Variants in CFAP299 observed in about 807,000 individuals in gnomAD.
CFAP299 encodes cilia and flagella associated protein 299.
CFAP299 carries 21 observed loss-of-function variants against 27.0 expected under a neutral mutation model. The ratio of observed to expected loss-of-function variants is 0.78; its 90% CI spans 0.55 to 1.12. The LOEUF (loss-of-function observed/expected upper bound fraction) is 1.12, where lower values mean the gene tolerates loss of function less well. Among genes scored for constraint, CFAP299 ranks in the 50% most tolerant of loss-of-function variants. The pLI, the probability that CFAP299 is intolerant of heterozygous loss-of-function variation, is 0.00. For synonymous variants in CFAP299, 104 were observed against 98.1 expected (o/e 1.06, Z -0.36); for missense variants, 310 against 276.6 (o/e 1.12, Z -0.86).
At chr4:80,386,701 C>A (rs1725026036) in intron 2 of CFAP299, 5 of 1,575,602 alleles carry the variant, frequency 3.2e-6, no homozygotes, top group Admixed American at 1.7e-5. Context: ...ACCTGCTGCA[C>A]AGGGCGCATT....
At chr4:80,390,724 C>T (rs115064508) in intron 2 of CFAP299, among the ~76,000 whole-genome samples, 12,134 of 118,438 alleles carry the variant, frequency 0.1, 1,033 homozygotes, top group African/African-American at 0.23. Flanking sequence ...TACACACATA[C>T]ATGTATATAT....
chr4:80,569,019 C>CT (rs1735449787), intron 2 of CFAP299, among the ~76,000 whole-genome samples: 1 of 152,124 alleles, frequency 6.6e-6, no homozygotes, highest in Non-Finnish European at 1.5e-5. Flanking sequence ...ACCACACTGC[C>CT]TATCAGGTAG....
intron 3 of CFAP299, among the ~76,000 whole-genome samples, chr4:80,696,484 AAG>A (rs1721101383): frequency 6.6e-6 from 1 of 152,176 alleles, no homozygotes; most frequent in African/African-American, 2.4e-5. Context: ...AAATAACAAT[AAG>A]AGACAGAAAA....
At chr4:80,871,778 T>C (rs1733110939) in intron 4 of CFAP299, 2 of 384,722 alleles carry the variant, frequency 5.2e-6, no homozygotes, top group Non-Finnish European at 7.1e-6. Flanking sequence ...AAAGAAAACA[T>C]CTTGGCATTA....
chr4:80,365,646 A>T (rs1723788574), intron 2 of CFAP299, among the ~76,000 whole-genome samples: 2 of 152,352 alleles, frequency 1.3e-5, no homozygotes, highest in South Asian at 4.1e-4. Context: ...AATGTGTCTT[A>T]TGTAAAACAT....
intron 3 of CFAP299, among the ~76,000 whole-genome samples, chr4:80,863,225 T>C (rs1732493852): frequency 1.3e-5 from 2 of 151,122 alleles, no homozygotes; most frequent in South Asian, 2.1e-4. Context: ...TTTAAGTGAC[T>C]TTGGCTTCAC....
chr4:80,823,804 G>A (rs1360967458), intron 3 of CFAP299, among the ~76,000 whole-genome samples: 1 of 152,048 alleles, frequency 6.6e-6, no homozygotes, highest in Non-Finnish European at 1.5e-5. Context: ...AAGGTTCAGG[G>A]AGGTTAAGTT....
At chr4:80,388,770 G>A in intron 2 of CFAP299, 1 of 493,084 alleles carries the variant, frequency 2.0e-6, no homozygotes, top group Admixed American at 3.4e-5. Flanking sequence ...GGGGAGGTAG[G>A]GTTTCTATGC....
chr4:80,453,711 C>T (rs966576909), intron 2 of CFAP299, among the ~76,000 whole-genome samples: 29 of 151,358 alleles, frequency 1.9e-4, no homozygotes, highest in Admixed American at 3.9e-4. Flanking sequence ...CTTCTTGGCG[C>T]GTGCCTGTAA....
chr4:80,753,041 A>T (rs2110072226), intron 3 of CFAP299, among the ~76,000 whole-genome samples: 1 of 152,164 alleles, frequency 6.6e-6, no homozygotes, highest in Middle Eastern at 3.4e-3. Context: ...TTAAAAAAAA[A>T]CTATTAATTT....
At chr4:80,818,486 T>C (rs1202006048) in intron 3 of CFAP299, among the ~76,000 whole-genome samples, 3 of 151,776 alleles carry the variant, frequency 2.0e-5, no homozygotes. Flanking sequence ...TGCTGCTCTA[T>C]ATGACAATGC....
intron 3 of CFAP299, among the ~76,000 whole-genome samples, chr4:80,653,849 TA>T (rs1740426571): frequency 6.6e-6 from 1 of 152,170 alleles, no homozygotes; most frequent in Admixed American, 6.6e-5. Context: ...AACAATAATG[TA>T]GTAGTCTTTT....
At chr4:80,629,131 A>G (rs1360426431) in intron 3 of CFAP299, among the ~76,000 whole-genome samples, 1 of 152,192 alleles carries the variant, frequency 6.6e-6, no homozygotes, top group East Asian at 1.9e-4. Flanking sequence ...ATTAAGCCAT[A>G]AAAAAGAAGG....
chr4:80,579,546 A>G (rs1341826136), intron 2 of CFAP299, among the ~76,000 whole-genome samples: 1 of 152,164 alleles, frequency 6.6e-6, no homozygotes, highest in Non-Finnish European at 1.5e-5. Flanking sequence ...CTCGGCCATT[A>G]GCAAGAGAGT....
chr4:80,839,638 TA>T (rs1463167524), intron 3 of CFAP299, among the ~76,000 whole-genome samples: 3 of 152,044 alleles, frequency 2.0e-5, no homozygotes, highest in Non-Finnish European at 1.5e-5. Context: ...TAATTCACTT[TA>T]AAAAGGTAAA....
chr4:80,757,847 G>T (rs894482419), intron 3 of CFAP299, among the ~76,000 whole-genome samples: 15 of 152,044 alleles, frequency 9.9e-5, no homozygotes, highest in Non-Finnish European at 8.8e-5. Flanking sequence ...GGACCTAGCT[G>T]GGTGCTTCGG....
intron 3 of CFAP299, among the ~76,000 whole-genome samples, chr4:80,866,059 TTATATATA>T (rs70956073): frequency 0.013 from 761 of 58,376 alleles, 32 homozygotes; most frequent in African/African-American, 0.023. Context: ...ACTTAAAGTA[TTATATATA>T]TATATATATA....
intron 4 of CFAP299, among the ~76,000 whole-genome samples, chr4:80,877,573 T>C (rs1733465964): frequency 6.6e-6 from 1 of 152,164 alleles, no homozygotes; most frequent in Non-Finnish European, 1.5e-5. Flanking sequence ...AAGTGAATAA[T>C]TAGAGATCTC....
At chr4:80,787,727 GGTAGACTACA>G (rs1727326201) in intron 3 of CFAP299, among the ~76,000 whole-genome samples, 1 of 151,908 alleles carries the variant, frequency 6.6e-6, no homozygotes, top group South Asian at 2.1e-4. Flanking sequence ...AAGGCATATG[GGTAGACTACA>G]GCCCACCTAA....
Sources: gnomAD v4.1 joint callset for allele counts (sites outside exome capture counted in the v4.1 genomes callset) on GRCh38, gnomAD v4.1.1 for gene constraint, MANE v1.5 for transcripts, NCBI Gene and HGNC (gene_info 2026-07-23, HGNC 2026-07-21) for gene names.